ASB5: variants seen among roughly 807,000 people sequenced by gnomAD.
The protein encoded by ASB5 is ankyrin repeat and SOCS box protein 5.
Under a neutral mutation model 42.1 loss-of-function variants are expected in ASB5, and 45 were observed. The ratio of observed to expected loss-of-function variants is 1.07; its 90% CI spans 0.84 to 1.37. ASB5 has a LOEUF of 1.37. Among genes scored for constraint, ASB5 ranks in the 40% most tolerant of loss-of-function variants. ASB5 has a pLI of 0.00. For synonymous variants in ASB5, 147 were observed against 150.6 expected (o/e 0.98, Z 0.18); for missense variants, 402 against 399.8 (o/e 1.01, Z -0.05).
intron 1 of ASB5, among the ~76,000 whole-genome samples, chr4:176,248,474 T>C (rs1404939115): frequency 4.6e-5 from 7 of 152,160 alleles, no homozygotes. Flanking sequence ...CATAACCTGC[T>C]GGGGTTTCAC....
chr4:176,263,408 A>G (rs566586441), intron 1 of ASB5, among the ~76,000 whole-genome samples: 1 of 152,216 alleles, frequency 6.6e-6, no homozygotes, highest in Non-Finnish European at 1.5e-5. Flanking sequence ...CCCAGATTTC[A>G]TTTTTGATTT....
At chr4:176,276,416 T>A (rs113279577) in intron 1 of ASB5, among the ~76,000 whole-genome samples, 18 of 152,272 alleles carry the variant, frequency 1.2e-4, no homozygotes, top group African/African-American at 4.3e-4. Flanking sequence ...TCAGCCCCCC[T>A]CTGGTGTTAG....
chr4:176,236,354 C>T (rs755131602), intron 1 of ASB5, among the ~76,000 whole-genome samples: 3 of 152,094 alleles, frequency 2.0e-5, no homozygotes, highest in Admixed American at 6.6e-5. Flanking sequence ...TGCTGCTCCC[C>T]GCCTCTAGCA....
chr4:176,221,011 A>G (rs755405211), intron 5 of ASB5, 144 bp downstream of exon 5: 2 of 1,072,896 alleles, frequency 1.9e-6, no homozygotes, highest in African/African-American at 3.2e-5. Context: ...GTTCTTTTTT[A>G]TTGGTTCTCT....
At chr4:176,247,002 G>T (rs1753926343) in intron 1 of ASB5, among the ~76,000 whole-genome samples, 1 of 151,958 alleles carries the variant, frequency 6.6e-6, no homozygotes. Flanking sequence ...AAAGTTCTTT[G>T]GTATGAAATT....
chr4:176,232,892 A>G (rs971243562), intron 1 of ASB5, among the ~76,000 whole-genome samples: 4 of 152,224 alleles, frequency 2.6e-5, no homozygotes, highest in Admixed American at 6.5e-5. Flanking sequence ...GCTATCAGCT[A>G]TCTCAATTAA....
intron 1 of ASB5, among the ~76,000 whole-genome samples, chr4:176,253,267 T>C (rs1195524043): frequency 6.6e-6 from 1 of 152,220 alleles, no homozygotes; most frequent in African/African-American, 2.4e-5. Context: ...ATAAAACAGA[T>C]TTTTTATTTC....
intron 2 of ASB5, among the ~76,000 whole-genome samples, chr4:176,224,592 C>T (rs375210505): frequency 6.6e-6 from 1 of 151,452 alleles, no homozygotes; most frequent in South Asian, 2.1e-4. Flanking sequence ...AGGCTGGTCT[C>T]GAACTCCTGA....
At chr4:176,241,692 C>A (rs1753815250) in intron 1 of ASB5, 1 of 1,304,176 alleles carries the variant, frequency 7.7e-7, no homozygotes, top group Non-Finnish European at 9.7e-7. Context: ...CAGATGAGGT[C>A]TGAGAGTAAG....
At chr4:176,256,032 C>T (rs2126973079) in intron 1 of ASB5, among the ~76,000 whole-genome samples, 1 of 152,242 alleles carries the variant, frequency 6.6e-6, no homozygotes, top group Non-Finnish European at 1.5e-5. Context: ...TGAGCTATGT[C>T]CTGAAACTTT....
intron 1 of ASB5, among the ~76,000 whole-genome samples, chr4:176,249,735 A>G (rs985426257): frequency 6.6e-6 from 1 of 152,190 alleles, no homozygotes; most frequent in African/African-American, 2.4e-5. Context: ...CAAAATTTCC[A>G]ACAGCATTCT....
intron 1 of ASB5, chr4:176,237,593 C>T: frequency 5.1e-6 from 5 of 984,806 alleles, no homozygotes; most frequent in Non-Finnish European, 6.0e-6. Flanking sequence ...TTCAGAAACA[C>T]TTGGATCAGG....
Position 176,244,313 on chromosome 4 carries a change from A to C in ASB5, c.197-18972T>G, listed in dbSNP as rs181546451. Among the ~76,000 whole-genome samples, 4 of 152,320 alleles carry C rather than the reference A, an allele frequency of 2.6e-5. No individual in the cohort carries two copies. The East Asian group carries it at 7.7e-4, about 29-fold the overall frequency. On this transcript the variant is annotated intron_variant, in intron 1 of 6. Transcript: ENST00000296525. ...TTCAAGTATAAGTTTGGGGTGATAC[A>C]TGCTTCATACACCAAAGCACAAATT...
intron 1 of ASB5, among the ~76,000 whole-genome samples, chr4:176,276,352 A>G (rs906980018): frequency 6.6e-6 from 1 of 152,234 alleles, no homozygotes; most frequent in African/African-American, 2.4e-5. Context: ...CCAACTTCCA[A>G]TAGTACCATA....
chr4:176,246,058 C>CACAGAT (rs1753906566), intron 1 of ASB5, among the ~76,000 whole-genome samples: 2 of 150,122 alleles, frequency 1.3e-5, no homozygotes, highest in Non-Finnish European at 3.0e-5. Context: ...AAAAAAATTA[C>CACAGAT]ACAGATAAAA....
intron 1 of ASB5, among the ~76,000 whole-genome samples, chr4:176,227,364 G>A (rs1401806061): frequency 6.6e-6 from 1 of 152,186 alleles, no homozygotes; most frequent in East Asian, 1.9e-4. Context: ...CTTAGGATTT[G>A]TATTTCTGAG....
intron 1 of ASB5, among the ~76,000 whole-genome samples, chr4:176,236,265 A>G (rs561117093): frequency 6.6e-6 from 1 of 152,228 alleles, no homozygotes; most frequent in African/African-American, 2.4e-5. Flanking sequence ...CATTTAAGAA[A>G]TGACAGGATT....
intron 1 of ASB5, among the ~76,000 whole-genome samples, chr4:176,257,525 A>G (rs1754178060): frequency 1.3e-5 from 2 of 152,180 alleles, no homozygotes; most frequent in Admixed American, 6.5e-5. Context: ...AATCCTATGG[A>G]ACAGCTCAGA....
At chr4:176,230,772 C>T (rs2126954440) in intron 1 of ASB5, among the ~76,000 whole-genome samples, 1 of 152,292 alleles carries the variant, frequency 6.6e-6, no homozygotes, top group Non-Finnish European at 1.5e-5. Context: ...TACGAGCCAT[C>T]TCAAGACCAA....
Sources: allele counts gnomAD v4.1 joint callset (sites outside exome capture counted in the v4.1 genomes callset), GRCh38; gene constraint gnomAD v4.1.1; transcripts MANE v1.5; gene names NCBI Gene and HGNC (gene_info 2026-07-23, HGNC 2026-07-21).